SLC38A7: variants seen among roughly 807,000 people sequenced by gnomAD.
SLC38A7 encodes sodium-coupled neutral amino acid transporter 7.
A neutral mutation model predicts 50.1 loss-of-function variants in SLC38A7; 29 were observed. The ratio of observed to expected loss-of-function variants is 0.58; its 90% CI spans 0.43 to 0.79. The LOEUF is 0.79. Ranked by LOEUF, SLC38A7 falls within the 30% of genes least tolerant of loss-of-function variation. The pLI is 0.00. For synonymous variants in SLC38A7, 244 were observed against 245.9 expected (o/e 0.99, Z 0.07); for missense variants, 483 against 610.6 (o/e 0.79, Z 2.20).
chr16:58,665,854 G>A lies in SLC38A7; in HGVS notation c.*1531C>T, dbSNP rs938228803. The A allele has an allele frequency of 9.8e-5, 15 of 152,586 alleles. No homozygotes were observed. Among genetic ancestry groups the A allele is most frequent in the Non-Finnish European group, 2.1e-4 (14 of 68,274 alleles). 9.5% of individuals were successfully genotyped at this position (152,586 alleles called of 1,614,324 possible). A position where few individuals can be genotyped will look rare whatever the true frequency, so the allele number is the denominator to read the frequency against. On this transcript the variant is annotated 3_prime_UTR_variant, in exon 12 of 12. Transcript: ENST00000219320. ...CTGAGGCCAGGCCTGATGGACGTGCGTTGCTGAGGAGGCTGGTAAGAGAGC... is the reference window on the plus strand; with the variant it reads ...CTGAGGCCAGGCCTGATGGACGTGCATTGCTGAGGAGGCTGGTAAGAGAGC...
At chr16:58,675,494 G>A (rs955642627) in intron 8 of SLC38A7, among the ~76,000 whole-genome samples, 1 of 152,090 alleles carries the variant, frequency 6.6e-6, no homozygotes, top group Admixed American at 6.6e-5. Context: ...CAGCCTGGGC[G>A]ACAGTTTCTG....
chr16:58,668,995 C>T (rs371469762), intron 11 of SLC38A7, among the ~76,000 whole-genome samples: 4 of 151,654 alleles, frequency 2.6e-5, no homozygotes, highest in African/African-American at 7.3e-5. Flanking sequence ...GTCTCGAACT[C>T]CTGACCTCAG....
At chr16:58,671,796 C>T in intron 9 of SLC38A7, 1 of 258,770 alleles carries the variant, frequency 3.9e-6, no homozygotes, top group Non-Finnish European at 7.4e-6. Flanking sequence ...CTTGAACTCC[C>T]AGGCTCAAGC....
In SLC38A7 at chr16:58,670,164, A is replaced by G. The variant is rs775654419; in HGVS notation, c.1235T>C (p.Leu412Pro). Residue 412 changes from leucine (L) to proline (P), a missense_variant, in exon 11 of 12, where the codon CTG (leucine) becomes CCG (proline). Transcript: ENST00000219320. ...AACFIFVFPG[L>P]CLIQAKLSEM... Reference sequence around the variant, plus strand: ...AGAGAGTTTGGCTTGAATGAGGCACAGCCCTGAAAGAGAAGAAGTGGCCCT... The same window carrying G: ...AGAGAGTTTGGCTTGAATGAGGCACGGCCCTGAAAGAGAAGAAGTGGCCCT... The G allele has an allele frequency of 1.8e-5, 29 of 1,614,032 alleles. No individual in the cohort carries two copies. Among genetic ancestry groups the G allele is most frequent in the Non-Finnish European group, 2.4e-5 (28 of 1,179,988 alleles).
chr16:58,674,932 A>G (rs1597670893), intron 8 of SLC38A7, among the ~76,000 whole-genome samples: 1 of 151,904 alleles, frequency 6.6e-6, no homozygotes, highest in African/African-American at 2.4e-5. Flanking sequence ...TGCTTAAAAC[A>G]CTTCCTCGAT....
chr16:58,672,056 A>G lies in SLC38A7; in HGVS notation c.1031+40T>C. On this transcript the variant is annotated intron_variant, in intron 9 of 11. Coordinates refer to ENST00000219320, the MANE Select transcript of SLC38A7 (RefSeq NM_018231.3). ...AAAGGACCATGTTGGAAGCGCTCAC[A>G]GGGGCTAGGAGGGGCCCTGGGGAGT... is the stretch of plus-strand genomic sequence containing the variant. The G allele has an allele frequency of 2.0e-6, 3 of 1,517,602 alleles. No homozygotes were observed. In the South Asian group the frequency reaches 3.8e-5, roughly 19 times the overall value. The allele number at this position is 1,517,602 out of a possible 1,614,324, so 94.0% of individuals were successfully genotyped here. A position where few individuals can be genotyped will look rare whatever the true frequency, so the allele number is the denominator to read the frequency against.
chr16:58,671,987 A>G, intron 9 of SLC38A7, 109 bp downstream of exon 9: 1 of 1,312,064 alleles, frequency 7.6e-7, no homozygotes, highest in Non-Finnish European at 1.0e-6. Context: ...TCTTTTCTAC[A>G]GGCTTCAGTT....
At chr16:58,671,552 TAG>T (rs1207741329) in intron 9 of SLC38A7, 3 of 464,680 alleles carry the variant, frequency 6.5e-6, no homozygotes, top group African/African-American at 3.9e-5. Context: ...AGGATCTGGA[TAG>T]AGATTCTTTT....
intron 10 of SLC38A7, 87 bp downstream of exon 10, chr16:58,670,958 T>C: frequency 7.1e-7 from 1 of 1,413,568 alleles, no homozygotes; most frequent in Non-Finnish European, 9.8e-7. Context: ...CTCTCCTGCA[T>C]GTTTTGAGCA....
At chr16:58,679,367 G>A (rs981802649) in intron 3 of SLC38A7, among the ~76,000 whole-genome samples, 3 of 152,138 alleles carry the variant, frequency 2.0e-5, no homozygotes, top group African/African-American at 7.2e-5. Context: ...ACTCCAGCCT[G>A]GGTGACAAAG....
At chr16:58,674,163 C>G (rs763794008) in intron 8 of SLC38A7, among the ~76,000 whole-genome samples, 2 of 152,070 alleles carry the variant, frequency 1.3e-5, no homozygotes, top group Non-Finnish European at 2.9e-5. Context: ...AGAGATGAGT[C>G]TCACTATGTT....
At chr16:58,668,243 G>C (rs2044080829) in intron 11 of SLC38A7, among the ~76,000 whole-genome samples, 1 of 151,990 alleles carries the variant, frequency 6.6e-6, no homozygotes, top group Non-Finnish European at 1.5e-5. Flanking sequence ...TTTGAGACCA[G>C]CCTGGCCAGC....
In SLC38A7 at chr16:58,678,459, G is replaced by A. The variant is rs148206922; in HGVS notation, c.485C>T (p.Ala162Val). ...DQQDKIIAVM[A>V]KEPEGASGPW... The stretch of plus-strand genomic sequence containing the variant: ...GCCGCTGGCCCCCTCCGGCTCTTTC[G>A]CCATCACAGCTATAACTGCACAGGG... Residue 162 changes from alanine (A) to valine (V), a missense_variant, in exon 5 of 12, where the codon GCG (alanine) becomes GTG (valine). Transcript: ENST00000219320. This position sits in a 1 kb window ranked among gnomAD's most constrained non-coding sequence, Gnocchi z 4.0. The A allele has an allele frequency of 1.4e-3, 2,239 of 1,559,578 alleles. 3 individuals are homozygous for A. The highest frequency in any genetic ancestry group is 1.5e-3 in the Non-Finnish European group (1,722 of 1,152,910).
At chr16:58,671,473 T>C (rs753229265) in intron 9 of SLC38A7, 4 of 589,458 alleles carry the variant, frequency 6.8e-6, no homozygotes, top group African/African-American at 1.9e-5. Context: ...GAAACTGATA[T>C]TGTTTTTTCC....
rs2271946 is a variant in SLC38A7, at chr16:58,680,155, C to A, written c.-29G>T. 1.3e-5 allele frequency: 19 copies of A among 1,509,060 alleles called. No individual in the cohort carries two copies. Among genetic ancestry groups the A allele is most frequent in the Non-Finnish European group, 1.4e-5 (16 of 1,129,082 alleles). The allele number at this position is 1,509,060 out of a possible 1,614,324, so 93.5% of individuals were successfully genotyped here. A position where few individuals can be genotyped will look rare whatever the true frequency, so the allele number is the denominator to read the frequency against. ...CCCGAGAGCCTTCTTCCTGCAAGGT[C>A]TGTGGGTTCTGCCTTACAACCACAT... On this transcript the variant is annotated 5_prime_UTR_variant, in exon 3 of 12. Transcript: ENST00000219320.
Position 58,678,527 on chromosome 16 carries a change from C to A in SLC38A7, c.470-53G>T. ...AAGCCAGGCCACCATGGGGTGTGGC[C>A]CTCCTGCTCTGCTGGGCCCCAGGAC... is the stretch of plus-strand genomic sequence containing the variant. On this transcript the variant is annotated intron_variant, in intron 4 of 11. Transcript: ENST00000219320. The surrounding 1 kb of genome is among the most constrained non-coding windows in gnomAD (Gnocchi z 4.0). The A allele has an allele frequency of 6.5e-7, 1 of 1,547,766 alleles. No homozygotes were observed. The highest frequency in any genetic ancestry group is 1.2e-5 in the South Asian group (1 of 80,426).
At chr16:58,669,725 A>G (rs1377369953) in intron 11 of SLC38A7, among the ~76,000 whole-genome samples, 1 of 117,574 alleles carries the variant, frequency 8.5e-6, no homozygotes, top group Non-Finnish European at 1.8e-5. Flanking sequence ...CTGTAATGCC[A>G]GCACTTTGGG....
chr16:58,668,314 C>A (rs1252428384), intron 11 of SLC38A7, among the ~76,000 whole-genome samples: 1 of 150,196 alleles, frequency 6.7e-6, no homozygotes, highest in South Asian at 2.1e-4. Context: ...GTGGCTCACG[C>A]CTGTAATCCC....
intron 8 of SLC38A7, among the ~76,000 whole-genome samples, chr16:58,674,864 C>T (rs1277305658): frequency 6.6e-6 from 1 of 152,072 alleles, no homozygotes; most frequent in Non-Finnish European, 1.5e-5. Flanking sequence ...GACTTGCTCC[C>T]TCACCCCAAC....
Sources: allele counts gnomAD v4.1 joint callset (sites outside exome capture counted in the v4.1 genomes callset), GRCh38; gene constraint gnomAD v4.1.1; non-coding constraint Gnocchi (gnomAD v3.1); transcripts MANE v1.5; gene names NCBI Gene and HGNC (gene_info 2026-07-23, HGNC 2026-07-21).